PANX1: variants seen among roughly 807,000 people sequenced by gnomAD.
PANX1 encodes the protein pannexin-1.
A neutral mutation model predicts 38.7 loss-of-function variants in PANX1; 30 were observed. The observed-to-expected ratio is 0.78, with a 90% CI of 0.58 to 1.05. PANX1 has a LOEUF of 1.05. PANX1 is among the 50% of genes least tolerant of loss of function. PANX1 has a pLI of 0.00. For synonymous variants in PANX1, 230 were observed against 212.2 expected (o/e 1.08, Z -0.73); for missense variants, 551 against 517.2 (o/e 1.07, Z -0.63).
intron 1 of PANX1, among the ~76,000 whole-genome samples, chr11:94,149,941 C>T (rs909194359): frequency 1.3e-5 from 2 of 152,112 alleles, no homozygotes; most frequent in East Asian, 3.9e-4. Context: ...CCTGTAAAAC[C>T]TTGATGTAGT....
chr11:94,168,223 G>C (rs1947124127), intron 2 of PANX1, among the ~76,000 whole-genome samples: 1 of 152,228 alleles, frequency 6.6e-6, no homozygotes, highest in South Asian at 2.1e-4. Flanking sequence ...CTGTCTGGGA[G>C]GGTGGGAAGC....
chr11:94,148,517 C>T (rs937004583), intron 1 of PANX1, among the ~76,000 whole-genome samples: 5 of 152,194 alleles, frequency 3.3e-5, no homozygotes, highest in Non-Finnish European at 7.3e-5. Context: ...CTGTCCATCT[C>T]TTCTCTATAC....
At chr11:94,159,260 G>A (rs1946991455) in intron 2 of PANX1, among the ~76,000 whole-genome samples, 1 of 152,134 alleles carries the variant, frequency 6.6e-6, no homozygotes, top group Non-Finnish European at 1.5e-5. Context: ...GATGATGCTG[G>A]CCTCATAAAA....
intron 1 of PANX1, among the ~76,000 whole-genome samples, chr11:94,132,477 A>T (rs1946641220): frequency 1.3e-5 from 2 of 152,166 alleles, no homozygotes; most frequent in African/African-American, 4.8e-5. Context: ...GTGAGACAAC[A>T]TGTGGCTGCT....
intron 2 of PANX1, among the ~76,000 whole-genome samples, chr11:94,158,223 C>A (rs953440868): frequency 6.6e-6 from 1 of 151,992 alleles, no homozygotes. Flanking sequence ...ATTGACTTGG[C>A]GATGCAGGCT....
intron 1 of PANX1, among the ~76,000 whole-genome samples, chr11:94,146,613 C>T (rs932499564): frequency 2.6e-5 from 4 of 152,144 alleles, no homozygotes; most frequent in Middle Eastern, 3.4e-3. Flanking sequence ...AGCCCTTCCT[C>T]GGGATTCCTG....
Position 94,129,136 on chromosome 11 carries a change from C to A in PANX1, c.-177C>A, listed in dbSNP as rs1325708515. ...GCGGCGGAGGCAGCGAGCGCGAGAG[C>A]CCAGCGGAGTCGCTGGGAGCCTGAG... On this transcript the variant is annotated 5_prime_UTR_variant, in exon 1 of 5. Transcript: ENST00000227638. The A allele has an allele frequency of 9.8e-6, 5 of 507,760 alleles. No individual in the cohort carries two copies. The Admixed American group carries it at 1.1e-4, about 11-fold the overall frequency. 31.5% of individuals were successfully genotyped at this position (507,760 alleles called of 1,614,324 possible).
intron 2 of PANX1, among the ~76,000 whole-genome samples, chr11:94,177,314 A>G (rs889468571): frequency 5.9e-5 from 9 of 151,440 alleles, no homozygotes; most frequent in African/African-American, 2.2e-4. Flanking sequence ...GTTTTGTCCA[A>G]GAAGGCAAAG....
At chr11:94,129,925 G>T (rs1946607503) in intron 1 of PANX1, among the ~76,000 whole-genome samples, 2 of 152,208 alleles carry the variant, frequency 1.3e-5, no homozygotes, top group Admixed American at 6.5e-5. Flanking sequence ...CATGAGAAGT[G>T]TGTTCTTTCA....
Position 94,162,513 on chromosome 11 carries a change from G to A in PANX1, c.321+8883G>A, listed in dbSNP as rs573641664. On this transcript the variant is annotated intron_variant, in intron 2 of 4. Transcript: ENST00000227638. Reference sequence around the variant, plus strand: ...AGGCTCCGTGGGCGTAGGACCCTCCGAGCCAGGCGCTGGATATAATCTTCT... The same window carrying A: ...AGGCTCCGTGGGCGTAGGACCCTCCAAGCCAGGCGCTGGATATAATCTTCT... Among the ~76,000 whole-genome samples, 7 of 152,324 alleles carry A rather than the reference G, an allele frequency of 4.6e-5. No individual in the cohort carries two copies. In the South Asian group the frequency reaches 6.2e-4, roughly 14 times the overall value.
chr11:94,174,541 T>C (rs1947208104), intron 2 of PANX1, among the ~76,000 whole-genome samples: 1 of 151,720 alleles, frequency 6.6e-6, no homozygotes, highest in Non-Finnish European at 1.5e-5. Flanking sequence ...CCAGGGACTT[T>C]TCTGTTCCCT....
In PANX1 at chr11:94,178,748, G is replaced by A. The variant is rs564736453; in HGVS notation, c.545+156G>A. ...ACCTAGTGACAGCCTGTAGTATCCCGGGATGTCCACTCTCCCCAAATCTCA... is the reference window on the plus strand; with the variant it reads ...ACCTAGTGACAGCCTGTAGTATCCCAGGATGTCCACTCTCCCCAAATCTCA... On this transcript the variant is annotated intron_variant, in intron 3 of 4. Coordinates refer to ENST00000227638, the MANE Select transcript of PANX1 (RefSeq NM_015368.4). Among the ~76,000 whole-genome samples the A allele has an allele frequency of 9.2e-5, 14 of 152,120 alleles. No homozygotes were observed. The East Asian group carries it at 2.7e-3, about 29-fold the overall frequency.
chr11:94,170,869 T>C (rs1247925439), intron 2 of PANX1, among the ~76,000 whole-genome samples: 1 of 151,814 alleles, frequency 6.6e-6, no homozygotes. Flanking sequence ...GGAGAGTCTT[T>C]CTGGCACAAT....
At chr11:94,173,981 G>A (rs1164447779) in intron 2 of PANX1, among the ~76,000 whole-genome samples, 3 of 151,522 alleles carry the variant, frequency 2.0e-5, no homozygotes, top group Admixed American at 6.6e-5. Flanking sequence ...TCTGTGATGT[G>A]CTTTCTTCTA....
At chr11:94,147,835 C>CA (rs1212661554) in intron 1 of PANX1, among the ~76,000 whole-genome samples, 2 of 152,164 alleles carry the variant, frequency 1.3e-5, no homozygotes, top group African/African-American at 4.8e-5. Context: ...CTGTTGGACT[C>CA]ACAGGGGCAA....
intron 1 of PANX1, among the ~76,000 whole-genome samples, chr11:94,138,917 G>T (rs542946922): frequency 1.1e-4 from 16 of 152,080 alleles, no homozygotes; most frequent in Admixed American, 5.2e-4. Flanking sequence ...CCCATCCTTA[G>T]GTCTATCAGT....
At chr11:94,165,904 ACT>A (rs1335824693) in intron 2 of PANX1, among the ~76,000 whole-genome samples, 1 of 151,930 alleles carries the variant, frequency 6.6e-6, no homozygotes. Context: ...CAAGAGTGAA[ACT>A]CTGTTTCAAG....
intron 1 of PANX1, among the ~76,000 whole-genome samples, chr11:94,138,430 C>G (rs748425694): frequency 1.3e-5 from 2 of 152,130 alleles, no homozygotes; most frequent in Non-Finnish European, 2.9e-5. Context: ...CAAATATTTT[C>G]TAGCTAGCCT....
At chr11:94,142,540 T>A (rs1946775493) in intron 1 of PANX1, among the ~76,000 whole-genome samples, 1 of 152,226 alleles carries the variant, frequency 6.6e-6, no homozygotes, top group Admixed American at 6.5e-5. Context: ...TTTCTTGCGC[T>A]GTTTTCCAAG....
Sources: gnomAD v4.1 joint callset for allele counts (sites outside exome capture counted in the v4.1 genomes callset) on GRCh38, gnomAD v4.1.1 for gene constraint, MANE v1.5 for transcripts, NCBI Gene and HGNC (gene_info 2026-07-23, HGNC 2026-07-21) for gene names.